Variants in RXFP2 observed in about 807,000 individuals in gnomAD.
RXFP2 encodes relaxin family peptide receptor 2.
In RXFP2, 68 loss-of-function variants were observed where a neutral mutation model predicts 88.6. That is an observed-to-expected ratio of 0.77 (90% CI 0.63 to 0.94). The LOEUF is 0.94. Ranked by LOEUF, RXFP2 falls within the 40% of genes least tolerant of loss-of-function variation. The pLI is 0.00. For synonymous variants in RXFP2, 329 were observed against 306.8 expected (o/e 1.07, Z -0.76); for missense variants, 791 against 893.9 (o/e 0.88, Z 1.47).
chr13:31,784,146 T>C (rs927582534), intron 11 of RXFP2, among the ~76,000 whole-genome samples: 1 of 151,924 alleles, frequency 6.6e-6, no homozygotes, highest in Admixed American at 6.6e-5. Flanking sequence ...ATTTTATATA[T>C]AAACTTAAGG....
chr13:31,797,094 C>G, intron 16 of RXFP2, 107 bp from the exon 17 acceptor site: 1 of 820,666 alleles, frequency 1.2e-6, no homozygotes. Context: ...AAATCCAAAA[C>G]ATTTCTGGTT....
intron 1 of RXFP2, among the ~76,000 whole-genome samples, chr13:31,751,677 A>G (rs1244779976): frequency 2.6e-5 from 4 of 152,208 alleles, no homozygotes; most frequent in Non-Finnish European, 4.4e-5. Flanking sequence ...CAGTCAATGA[A>G]TCAGAGAAGA....
chr13:31,768,985 T>G (rs892218186), intron 5 of RXFP2, among the ~76,000 whole-genome samples: 1 of 152,174 alleles, frequency 6.6e-6, no homozygotes, highest in Non-Finnish European at 1.5e-5. Context: ...GAACTCTTGG[T>G]ATGGAATCTG....
rs115540960 is a variant in RXFP2, at chr13:31,794,178, C to T, written c.1786+1090C>T. Among the ~76,000 whole-genome samples, 509 of 152,260 alleles carry T rather than the reference C, an allele frequency of 3.3e-3. 6 individuals carry two copies. The highest frequency in any genetic ancestry group is 0.011 in the African/African-American group (465 of 41,554). On this transcript the variant is annotated intron_variant, in intron 16 of 17. Coordinates refer to ENST00000298386, the MANE Select transcript of RXFP2 (RefSeq NM_130806.5). ...CTCCTTCTCTTCCTCCTCTGAAAAA[C>T]AGAACATTTAGTTTGCACCACTTTA... is the stretch of plus-strand genomic sequence containing the variant.
At chr13:31,765,269 G>C (rs1049539898) in intron 4 of RXFP2, 127 bp downstream of exon 4, 2 of 671,520 alleles carry the variant, frequency 3.0e-6, no homozygotes, top group Admixed American at 2.2e-5. Context: ...CCAGTCATCA[G>C]AGAATTCTCC....
intron 5 of RXFP2, among the ~76,000 whole-genome samples, chr13:31,766,554 C>T (rs1446809048): frequency 6.6e-6 from 1 of 151,996 alleles, no homozygotes; most frequent in African/African-American, 2.4e-5. Flanking sequence ...AAAGAAGGGC[C>T]AATATGCTTC....
At chr13:31,792,133 A>G in intron 15 of RXFP2, 98 bp downstream of exon 15, 4 of 893,580 alleles carry the variant, frequency 4.5e-6, no homozygotes, top group African/African-American at 1.7e-5. Context: ...AATGGCATTT[A>G]ATGTGAATTA....
At chr13:31,761,942 T>C in intron 3 of RXFP2, 141 bp downstream of exon 3, 1 of 638,394 alleles carries the variant, frequency 1.6e-6, no homozygotes, top group Non-Finnish European at 2.9e-6. Flanking sequence ...ACAGGTCTGC[T>C]GTCTGCCTGT....
intron 16 of RXFP2, among the ~76,000 whole-genome samples, chr13:31,795,312 G>A (rs144887956): frequency 0.032 from 4,888 of 152,026 alleles, 133 homozygotes; most frequent in Non-Finnish European, 0.054. Context: ...ACCATGCCCC[G>A]CTAATTTTTA....
Position 31,793,052 on chromosome 13 carries a change from A to T in RXFP2, c.1750A>T (p.Ile584Phe). The change falls in exon 16 of 18, where the codon ATT becomes TTT. Residue 584 changes from isoleucine (I) to phenylalanine (F), a missense_variant. Physicochemically the swap from Ile to Phe is conservative, Grantham distance 21. Coordinates refer to ENST00000298386, the MANE Select transcript of RXFP2 (RefSeq NM_130806.5). ...FPLYYDQTEDIGSKGYSLGIF... is the reference protein window; with the variant it reads ...FPLYYDQTEDFGSKGYSLGIF... ...ACTTTATTATGACCAAACAGAAGAT[A>T]TTGGAAGCAAAGGGTATTCTCTTGG... 6.2e-7 allele frequency: 1 copy of T among 1,613,260 alleles called. No individual in the cohort carries two copies.
chr13:31,741,186 A>T (rs1463622381), intron 1 of RXFP2, among the ~76,000 whole-genome samples: 1 of 152,092 alleles, frequency 6.6e-6, no homozygotes, highest in African/African-American at 2.4e-5. Context: ...TAAACTAAAA[A>T]AAAGTTCAAT....
Position 31,757,575 on chromosome 13 carries a change from A to T in RXFP2, c.95-683A>T, listed in dbSNP as rs1407527345. 2.6e-5 allele frequency among the ~76,000 whole-genome samples: 4 copies of T among 152,348 alleles called. No homozygotes were observed. The East Asian group carries it at 7.7e-4, about 29-fold the overall frequency. On this transcript the variant is annotated intron_variant, in intron 1 of 17. Coordinates refer to ENST00000298386, the MANE Select transcript of RXFP2 (RefSeq NM_130806.5). ...GGTATATTTTTATCATGTCACCTCA[A>T]GTCCTTCTTGTAAAAGATTAATAAG...
chr13:31,745,166 T>C (rs1014847686), intron 1 of RXFP2, among the ~76,000 whole-genome samples: 7 of 149,646 alleles, frequency 4.7e-5, no homozygotes, highest in African/African-American at 1.5e-4. Context: ...TCAGACTCCA[T>C]CTAAAAAAAA....
At chr13:31,795,802 C>T (rs1327077408) in intron 16 of RXFP2, among the ~76,000 whole-genome samples, 2 of 151,956 alleles carry the variant, frequency 1.3e-5, no homozygotes, top group Non-Finnish European at 2.9e-5. Context: ...ATTTTAGCGA[C>T]AGCAAGAATA....
chr13:31,789,036 A>C, intron 13 of RXFP2, 86 bp from the exon 14 acceptor site: 1 of 842,264 alleles, frequency 1.2e-6, no homozygotes, highest in Middle Eastern at 2.8e-4. Context: ...AAGATCTTGA[A>C]GCATTATATT....
chr13:31,750,657 T>C (rs1871626908), intron 1 of RXFP2, among the ~76,000 whole-genome samples: 1 of 152,154 alleles, frequency 6.6e-6, no homozygotes, highest in Non-Finnish European at 1.5e-5. Context: ...GGAAAAAAGT[T>C]TTTAACCTGG....
intron 2 of RXFP2, among the ~76,000 whole-genome samples, chr13:31,760,921 C>G (rs1444911495): frequency 1.3e-5 from 2 of 152,022 alleles, no homozygotes; most frequent in African/African-American, 4.8e-5. Context: ...TAATATATGA[C>G]AAATTGAGGA....
At chr13:31,781,483 T>G (rs1873269624) in intron 9 of RXFP2, among the ~76,000 whole-genome samples, 188 bp from the exon 10 acceptor site, 2 of 152,118 alleles carry the variant, frequency 1.3e-5, no homozygotes, top group South Asian at 4.2e-4. Context: ...TTCCTCAATT[T>G]TATTAACATT....
chr13:31,743,586 C>T (rs1262863875), intron 1 of RXFP2, among the ~76,000 whole-genome samples: 2 of 151,962 alleles, frequency 1.3e-5, no homozygotes, highest in Admixed American at 1.3e-4. Context: ...CTTTCCCATC[C>T]TCCCCCTTCC....
Sources: allele counts gnomAD v4.1 joint callset (sites outside exome capture counted in the v4.1 genomes callset), GRCh38; gene constraint gnomAD v4.1.1; transcripts MANE v1.5; gene names NCBI Gene and HGNC (gene_info 2026-07-23, HGNC 2026-07-21).